The following SPOCK3 variants were observed in gnomAD, a reference collection of about 807,000 sequenced individuals.
SPOCK3 encodes the protein SPARC (osteonectin), cwcv and kazal like domains proteoglycan 3, also known as testican-3.
Under a neutral mutation model 56.6 loss-of-function variants are expected in SPOCK3, and 30 were observed. The observed-to-expected ratio is 0.53, with a 90% CI of 0.40 to 0.72. SPOCK3 has a LOEUF of 0.72. Ranked by LOEUF, SPOCK3 falls within the 30% of genes least tolerant of loss-of-function variation. The probability of loss-of-function intolerance (pLI) is 0.00; values close to 1 mark genes in which losing one functional copy is unlikely to be tolerated. For synonymous variants in SPOCK3, 196 were observed against 183.3 expected (o/e 1.07, Z -0.56); for missense variants, 527 against 530.0 (o/e 0.99, Z 0.06).
intron 3 of SPOCK3, among the ~76,000 whole-genome samples, chr4:167,042,664 AC>A (rs1753334150): frequency 6.6e-6 from 1 of 152,074 alleles, no homozygotes; most frequent in Admixed American, 6.6e-5. Flanking sequence ...TACTTACACC[AC>A]CCCCTATAAA....
At chr4:167,083,643 A>G (rs780547709) in intron 2 of SPOCK3, among the ~76,000 whole-genome samples, 5 of 152,134 alleles carry the variant, frequency 3.3e-5, no homozygotes, top group Non-Finnish European at 7.4e-5. Flanking sequence ...GCTGTGGTCA[A>G]ACTAGGTTAT....
chr4:167,195,435 G>A (rs1463408828), intron 2 of SPOCK3, among the ~76,000 whole-genome samples: 1 of 152,204 alleles, frequency 6.6e-6, no homozygotes, highest in Non-Finnish European at 1.5e-5. Context: ...ACTGTTGAGA[G>A]AGGCTAGAAC....
chr4:167,000,171 G>T (rs778053903), intron 4 of SPOCK3, among the ~76,000 whole-genome samples, 178 bp downstream of exon 4: 6 of 152,028 alleles, frequency 3.9e-5, no homozygotes, highest in Non-Finnish European at 7.4e-5. Context: ...TGTAGTAATT[G>T]TGACTGATAC....
chr4:166,823,631 T>G (rs544817949), intron 6 of SPOCK3, among the ~76,000 whole-genome samples: 51 of 152,228 alleles, frequency 3.4e-4, no homozygotes, highest in African/African-American at 1.2e-3. Context: ...GAAGAATGAA[T>G]TCTCACCAAT....
intron 2 of SPOCK3, among the ~76,000 whole-genome samples, chr4:167,222,673 A>G (rs909885091): frequency 7.4e-6 from 1 of 135,314 alleles, no homozygotes; most frequent in African/African-American, 2.7e-5. Flanking sequence ...AAACATAGAT[A>G]TATATTTATA....
intron 4 of SPOCK3, among the ~76,000 whole-genome samples, chr4:166,916,200 C>A (rs949666625): frequency 6.6e-6 from 1 of 151,410 alleles, no homozygotes; most frequent in East Asian, 1.9e-4. Flanking sequence ...CAGAATCATT[C>A]GTTTCAAAGA....
intron 6 of SPOCK3, among the ~76,000 whole-genome samples, chr4:166,850,945 T>G (rs1394758572): frequency 6.6e-6 from 1 of 152,110 alleles, no homozygotes; most frequent in Non-Finnish European, 1.5e-5. Flanking sequence ...GCCAGGAAGC[T>G]CGAACTGGGT....
chr4:166,818,658 A>T (rs1042134952), intron 6 of SPOCK3, among the ~76,000 whole-genome samples: 1 of 152,028 alleles, frequency 6.6e-6, no homozygotes, highest in Non-Finnish European at 1.5e-5. Flanking sequence ...ATCACAACTA[A>T]TGGTAAAAGC....
At chr4:167,041,147 C>T (rs1237934941) in intron 3 of SPOCK3, among the ~76,000 whole-genome samples, 7 of 152,128 alleles carry the variant, frequency 4.6e-5, no homozygotes, top group Admixed American at 2.0e-4. Context: ...GCTGTAGGAT[C>T]ATGGGCAAAT....
At chr4:166,815,048 A>G (rs1456275504) in intron 6 of SPOCK3, among the ~76,000 whole-genome samples, 1 of 151,964 alleles carries the variant, frequency 6.6e-6, no homozygotes, top group East Asian at 1.9e-4. Context: ...TTATCTTTTG[A>G]TTCCATTTTT....
intron 2 of SPOCK3, among the ~76,000 whole-genome samples, chr4:167,180,161 C>A (rs1054772501): frequency 4.6e-5 from 7 of 152,144 alleles, no homozygotes; most frequent in African/African-American, 1.7e-4. Context: ...CTTGGGAGCA[C>A]CTTGATAGAG....
intron 2 of SPOCK3, among the ~76,000 whole-genome samples, chr4:167,200,387 G>A (rs916821998): frequency 1.3e-5 from 2 of 151,878 alleles, no homozygotes; most frequent in African/African-American, 4.8e-5. Context: ...GTTTAAGGAT[G>A]GCACATTAGA....
intron 4 of SPOCK3, among the ~76,000 whole-genome samples, chr4:166,998,883 C>T (rs987965255): frequency 6.6e-6 from 1 of 152,082 alleles, no homozygotes; most frequent in African/African-American, 2.4e-5. Context: ...CCTATATACA[C>T]ACATTCACAT....
intron 6 of SPOCK3, among the ~76,000 whole-genome samples, chr4:166,834,282 C>T (rs1278923675): frequency 2.0e-5 from 3 of 152,216 alleles, no homozygotes; most frequent in Non-Finnish European, 4.4e-5. Flanking sequence ...GCTTTGCTAA[C>T]TCACCTAAAT....
At position 166,734,925 on chromosome 4, in the gene SPOCK3, A is replaced by T. The variant is rs75259705; in HGVS notation, c.1298T>A (p.Ile433Asn). 3,035 of 1,534,848 alleles carry T rather than the reference A, an allele frequency of 2.0e-3. 47 individuals are homozygous for T. In the African/African-American group the frequency reaches 0.038, roughly 19 times the overall value. The change falls in exon 11 of 11, where the codon ATT (isoleucine) becomes AAT (asparagine). Residue 433 changes from isoleucine (I) to asparagine (N), a missense_variant. Ile to Asn is a moderately radical substitution (Grantham distance 149, BLOSUM62 -3). Coordinates refer to ENST00000357545, the MANE Select transcript of SPOCK3 (RefSeq NM_001040159.2). Reference sequence around the variant, plus strand: ...ATTGATTTCAACTGTCATCAATCAAATGTATACATCATGGTCATCACCACC... The same window carrying T: ...ATTGATTTCAACTGTCATCAATCAATTGTATACATCATGGTCATCACCACC... Reference protein sequence around the residue: ...DDGGDDHDVYI With the variant: ...DDGGDDHDVYN
intron 7 of SPOCK3, among the ~76,000 whole-genome samples, chr4:166,781,692 C>A (rs571933414): frequency 6.6e-6 from 1 of 151,804 alleles, no homozygotes; most frequent in South Asian, 2.1e-4. Flanking sequence ...TAAACACCAA[C>A]CAATCAAACA....
rs183091129 is a variant in SPOCK3, at chr4:167,046,090, T to C, written c.235+16402A>G. ...AACAGGGTACATCAGGGTATATTCT[T>C]CTAACTTGTTTTTTTTACCCCCTTT... On this transcript the variant is annotated intron_variant, in intron 3 of 10. Transcript: ENST00000357545. Among the ~76,000 whole-genome samples the C allele has an allele frequency of 1.8e-4, 28 of 152,300 alleles. No individual in the cohort carries two copies. The East Asian group carries it at 5.4e-3, about 29-fold the overall frequency.
chr4:167,130,762 T>C (rs1314817843), intron 2 of SPOCK3, among the ~76,000 whole-genome samples: 1 of 152,120 alleles, frequency 6.6e-6, no homozygotes, highest in Non-Finnish European at 1.5e-5. Context: ...TGTCTTACAG[T>C]CAATCAGAAT....
At chr4:167,131,109 T>C (rs890013057) in intron 2 of SPOCK3, among the ~76,000 whole-genome samples, 5 of 152,120 alleles carry the variant, frequency 3.3e-5, no homozygotes, top group African/African-American at 1.2e-4. Context: ...AAATTAATTG[T>C]ACAAACACAC....
Sources: allele counts gnomAD v4.1 joint callset (sites outside exome capture counted in the v4.1 genomes callset), GRCh38; gene constraint gnomAD v4.1.1; transcripts MANE v1.5; gene names NCBI Gene and HGNC (gene_info 2026-07-23, HGNC 2026-07-21).